Variants in NPEPL1 observed in about 807,000 individuals in gnomAD.
The protein encoded by NPEPL1 is probable aminopeptidase NPEPL1.
NPEPL1 carries 45 observed loss-of-function variants against 52.4 expected under a neutral mutation model. That is an observed-to-expected ratio of 0.86 (90% CI 0.68 to 1.10). The LOEUF (loss-of-function observed/expected upper bound fraction) is 1.10. Among genes scored for constraint, NPEPL1 ranks in the 50% least tolerant of loss-of-function variants. The probability of loss-of-function intolerance (pLI) is 0.00; values close to 1 mark genes in which losing one functional copy is unlikely to be tolerated. For missense variants in NPEPL1, 696 were observed against 710.9 expected (o/e 0.98, Z 0.24); for synonymous variants, 360 against 314.7 (o/e 1.14, Z -1.52).
intron 7 of NPEPL1, among the ~76,000 whole-genome samples, chr20:58,708,743 G>A (rs1450143983): frequency 6.6e-6 from 1 of 152,168 alleles, no homozygotes; most frequent in Non-Finnish European, 1.5e-5. Context: ...CTCTGCCCAG[G>A]CCCCGTGGCT....
chr20:58,714,151 G>A, intron 10 of NPEPL1, 58 bp downstream of exon 10: 1 of 1,499,816 alleles, frequency 6.7e-7, no homozygotes, highest in Non-Finnish European at 8.8e-7. Flanking sequence ...GGCAGGCGGA[G>A]CCCTGCCTTC....
intron 11 of NPEPL1, 64 bp from the exon 12 acceptor site, chr20:58,715,104 C>T (rs925550287): frequency 1.3e-6 from 2 of 1,513,978 alleles, no homozygotes; most frequent in Non-Finnish European, 1.8e-6. Flanking sequence ...GTGAGGGGTC[C>T]CCAGGAACCC....
intron 5 of NPEPL1, among the ~76,000 whole-genome samples, chr20:58,699,687 T>G (rs2084573181): frequency 6.6e-6 from 1 of 152,158 alleles, no homozygotes; most frequent in South Asian, 2.1e-4. Flanking sequence ...CAAGATATAT[T>G]TTTGGTGGAG....
At position 58,694,496 on chromosome 20, in the gene NPEPL1, C is replaced by T; in HGVS notation, c.411C>T (p.Arg137=). The T allele has an allele frequency of 6.2e-7, 1 of 1,614,046 alleles. No individual in the cohort carries two copies. Among genetic ancestry groups the T allele is most frequent in the Non-Finnish European group, 8.5e-7 (1 of 1,179,890 alleles). Reference sequence around the variant, plus strand: ...GGGCCTTCCCGCTGTTCACCCACCGCTCAGGTGCCTCTCGGCGCTTGGAGA... The same window carrying T: ...GGGCCTTCCCGCTGTTCACCCACCGTTCAGGTGCCTCTCGGCGCTTGGAGA... ...LARAFPLFTH[R]SGASRRLEKK... The change falls in exon 3 of 12, where the codon CGC becomes CGT. Residue 137 remains arginine, a synonymous_variant. Coordinates refer to ENST00000356091, the MANE Select transcript of NPEPL1 (RefSeq NM_024663.4).
intron 7 of NPEPL1, among the ~76,000 whole-genome samples, chr20:58,711,958 A>G (rs200423162): frequency 5.6e-3 from 201 of 36,152 alleles, no homozygotes; most frequent in Non-Finnish European, 0.013. Context: ...CTTCGGGGTC[A>G]GGGGGCACCC....
chr20:58,699,543 G>A (rs535007537), intron 5 of NPEPL1, among the ~76,000 whole-genome samples: 39 of 152,340 alleles, frequency 2.6e-4, no homozygotes, highest in East Asian at 9.7e-4. Context: ...CCTCTCCAGC[G>A]TCCTCGCGTG....
chr20:58,696,726 C>T (rs929857645), intron 3 of NPEPL1, among the ~76,000 whole-genome samples: 7 of 152,244 alleles, frequency 4.6e-5, no homozygotes, highest in Non-Finnish European at 8.8e-5. Context: ...TGGGTGTGTG[C>T]AAGGTGGCAT....
At chr20:58,707,686 G>A (rs1210550315) in intron 7 of NPEPL1, among the ~76,000 whole-genome samples, 1 of 146,358 alleles carries the variant, frequency 6.8e-6, no homozygotes, top group Non-Finnish European at 1.5e-5. Context: ...CTTAGCCCTT[G>A]CTCAGTGGCA....
intron 6 of NPEPL1, chr20:58,703,822 G>A: frequency 1.0e-6 from 1 of 984,800 alleles, no homozygotes; most frequent in Middle Eastern, 5.2e-4. Context: ...AGGGTGGCTG[G>A]TAGAACTGCC....
intron 3 of NPEPL1, among the ~76,000 whole-genome samples, chr20:58,694,922 G>A (rs2084430846): frequency 6.7e-6 from 1 of 148,728 alleles, no homozygotes; most frequent in South Asian, 2.1e-4. Context: ...ATGCACGTGT[G>A]TGTGTATGTG....
chr20:58,692,676 G>A (rs1382337521), upstream of NPEPL1: 1 of 356,438 alleles, frequency 2.8e-6, no homozygotes, highest in Non-Finnish European at 3.9e-6. The surrounding 1 kb of genome is among the most constrained non-coding windows in gnomAD (Gnocchi z 5.7). Flanking sequence ...GGGCCTGCCC[G>A]GCCGGGCCTG....
At chr20:58,701,837 G>A (rs866459538) in intron 6 of NPEPL1, among the ~76,000 whole-genome samples, 115 of 152,184 alleles carry the variant, frequency 7.6e-4, no homozygotes, top group African/African-American at 2.7e-3. Context: ...TCCCGGTGCG[G>A]TGGCCCTAGA....
chr20:58,703,475 A>C (rs1601115896), intron 6 of NPEPL1: 8 of 973,306 alleles, frequency 8.2e-6, no homozygotes, highest in Non-Finnish European at 9.6e-6. Context: ...CCTCGCACGC[A>C]CCCTCAATAC....
At chr20:58,708,113 G>A (rs1016334207) in intron 7 of NPEPL1, among the ~76,000 whole-genome samples, 1 of 152,168 alleles carries the variant, frequency 6.6e-6, no homozygotes, top group African/African-American at 2.4e-5. Context: ...AGTGTGCATT[G>A]ACTCATCAGC....
intron 11 of NPEPL1, 66 bp from the exon 12 acceptor site, chr20:58,715,102 T>A: frequency 2.7e-6 from 4 of 1,505,038 alleles, no homozygotes; most frequent in Non-Finnish European, 1.8e-6. Context: ...AGGTGAGGGG[T>A]CCCCAGGAAC....
At position 58,713,841 on chromosome 20, in the gene NPEPL1, C is replaced by A; in HGVS notation, c.1126-76C>A. 7.3e-7 allele frequency: 1 copy of A among 1,377,030 alleles called. No individual in the cohort carries two copies. The highest frequency in any genetic ancestry group is 9.5e-7 in the Non-Finnish European group (1 of 1,057,416). The allele number at this position is 1,377,030 out of a possible 1,614,324, so 85.3% of individuals were successfully genotyped here. A position where few individuals can be genotyped will look rare whatever the true frequency, so the allele number is the denominator to read the frequency against. On this transcript the variant is annotated intron_variant, in intron 9 of 11. Transcript: ENST00000356091. The surrounding 1 kb of genome is among the most constrained non-coding windows in gnomAD (Gnocchi z 4.6). ...GGCTCCCTTATTTCTCTGTCTGCCT[C>A]CCGGTCCCTCTTTTGCCTTGGGTGT...
intron 3 of NPEPL1, among the ~76,000 whole-genome samples, chr20:58,695,020 T>TAGC: frequency 2.6e-4 from 1 of 3,840 alleles, no homozygotes; most frequent in East Asian, 6.8e-3. Flanking sequence ...GTGATGTGTG[T>TAGC]GTGTGTGTGG....
At position 58,703,490 on chromosome 20, in the gene NPEPL1, G is replaced by T. The variant is rs571383890; in HGVS notation, c.822+2332G>T. ...CCTCGCACGCACCCTCAATACCCAC[G>T]GTCACCCTGGAAGCCGCTACATTCT... On this transcript the variant is annotated intron_variant, in intron 6 of 11. Transcript: ENST00000356091. 8 of 935,662 alleles carry T rather than the reference G, an allele frequency of 8.6e-6. No individual in the cohort carries two copies. The Admixed American group carries it at 3.9e-4, about 46-fold the overall frequency. The allele number at this position is 935,662 out of a possible 1,614,324, so 58.0% of individuals were successfully genotyped here. A position where few individuals can be genotyped will look rare whatever the true frequency, so the allele number is the denominator to read the frequency against.
chr20:58,707,147 G>A lies in NPEPL1; in HGVS notation c.847G>A (p.Asp283Asn), dbSNP rs1300310571. 6.4e-7 allele frequency: 1 copy of A among 1,552,614 alleles called. No individual in the cohort carries two copies. The highest frequency in any genetic ancestry group is 8.7e-7 in the Non-Finnish European group (1 of 1,147,784). The change falls in exon 7 of 12, where the codon GAC becomes AAC. Residue 283 changes from aspartate (D) to asparagine (N), a missense_variant. Coordinates refer to ENST00000356091, the MANE Select transcript of NPEPL1 (RefSeq NM_024663.4). ...GACTACCATGCCGGGGATGAAGCGA[G>A]ACTGCGGGGGTGCTGCGGCCGTCCT... is the stretch of plus-strand genomic sequence containing the variant. ...GKTTMPGMKR[D>N]CGGAAAVLGA... is the part of the protein sequence containing the mutation.
Sources: allele counts gnomAD v4.1 joint callset (sites outside exome capture counted in the v4.1 genomes callset), GRCh38; gene constraint gnomAD v4.1.1; non-coding constraint Gnocchi (gnomAD v3.1); transcripts MANE v1.5; gene names NCBI Gene and HGNC (gene_info 2026-07-23, HGNC 2026-07-21).